The following MALT1 variants were observed in gnomAD, a reference collection of about 807,000 sequenced individuals.
MALT1 encodes MALT1 paracaspase, also known as mucosa-associated lymphoid tissue lymphoma translocation protein 1.
MALT1 carries 36 observed loss-of-function variants against 85.5 expected under a neutral mutation model. That is an observed-to-expected ratio of 0.42 (90% CI 0.32 to 0.56). The LOEUF is 0.56. MALT1 is among the 20% of genes least tolerant of loss of function. The pLI is 0.10. For synonymous variants in MALT1, 359 were observed against 361.3 expected (o/e 0.99, Z 0.07); for missense variants, 716 against 981.6 (o/e 0.73, Z 3.62).
At chr18:58,683,786 A>G (rs2054357204) in intron 2 of MALT1, among the ~76,000 whole-genome samples, 1 of 152,206 alleles carries the variant, frequency 6.6e-6, no homozygotes, top group South Asian at 2.1e-4. Context: ...TATTTGGCTT[A>G]CAGACTTTCT....
intron 15 of MALT1, 60 bp downstream of exon 15, chr18:58,744,555 T>C (rs1171809458): frequency 1.3e-5 from 14 of 1,044,190 alleles, no homozygotes; most frequent in African/African-American, 1.7e-5. Flanking sequence ...AAGACTAAAT[T>C]TTTTAAAACT....
Position 58,745,936 on chromosome 18 carries a change from A to T in MALT1, c.2037+145A>T, listed in dbSNP as rs944833836. ...AGGTCCTATCAGTGACCCTTTTTAT[A>T]TTCTGTTTCCGATGGTGACCAGAGG... is the stretch of plus-strand genomic sequence containing the variant. On this transcript the variant is annotated intron_variant, in intron 16 of 16. Coordinates refer to ENST00000649217, the MANE Select transcript of MALT1 (RefSeq NM_006785.4). 5.8e-6 allele frequency: 4 copies of T among 685,374 alleles called. No homozygotes were observed. In the African/African-American group the frequency reaches 7.2e-5, roughly 12 times the overall value. The allele number at this position is 685,374 out of a possible 1,614,324, so 42.5% of individuals were successfully genotyped here.
intron 10 of MALT1, among the ~76,000 whole-genome samples, chr18:58,723,755 G>T (rs959306197): frequency 2.0e-5 from 3 of 152,096 alleles, no homozygotes; most frequent in African/African-American, 7.2e-5. Flanking sequence ...ATAGTAATTT[G>T]TAAATTAAAG....
intron 9 of MALT1, among the ~76,000 whole-genome samples, chr18:58,720,306 T>G (rs1167077487): frequency 6.6e-6 from 1 of 152,204 alleles, no homozygotes; most frequent in East Asian, 1.9e-4. Flanking sequence ...AAATTCAAGT[T>G]TTATTGTTCG....
In MALT1 at chr18:58,727,616, G is replaced by GTTTTTTTTTTTTT. The variant is rs751434443; in HGVS notation, c.1222+4376_1222+4377insTTTTTTTTTTTTT. ...ACCCAGCCTGCCAAAGGTTTTTTGT[G>GTTTTTTTTTTTTT]TTTTTTTTTTTGTTTTTTTTTTTTT... is the stretch of plus-strand genomic sequence containing the variant. On this transcript the variant is annotated intron_variant, in intron 10 of 16. Transcript: ENST00000649217. Among the ~76,000 whole-genome samples the GTTTTTTTTTTTTT allele has an allele frequency of 8.1e-3, 979 of 120,928 alleles. 76 individuals carry two copies. Among genetic ancestry groups the GTTTTTTTTTTTTT allele is most frequent in the African/African-American group, 0.022 (672 of 30,472 alleles). The allele number at this position is 120,928 out of a possible 152,430, so 79.3% of individuals were successfully genotyped here.
rs751607931 is a variant in MALT1 at position 58,733,578 on chromosome 18, A to C, written c.1400+4A>C. 1 of 1,574,610 alleles carries C rather than the reference A, an allele frequency of 6.4e-7. No individual in the cohort carries two copies. The highest frequency in any genetic ancestry group is 8.6e-7 in the Non-Finnish European group (1 of 1,158,008). Reference sequence around the variant, plus strand: ...TATTGGATATGTGTAGGAAAAGGTAAGTTTTCTAATCTTTATTAAAGAATT... The same window carrying C: ...TATTGGATATGTGTAGGAAAAGGTACGTTTTCTAATCTTTATTAAAGAATT... On this transcript the variant is annotated splice_donor_region_variant and intron_variant, in intron 11 of 16. Coordinates refer to ENST00000649217, the MANE Select transcript of MALT1 (RefSeq NM_006785.4).
intron 1 of MALT1, among the ~76,000 whole-genome samples, chr18:58,673,121 ACTGT>A (rs1460409146): frequency 1.3e-5 from 2 of 152,246 alleles, no homozygotes; most frequent in African/African-American, 2.4e-5. Context: ...AAGAACAAAA[ACTGT>A]CTCTTAATAT....
chr18:58,679,373 T>C (rs2054287288), intron 1 of MALT1, among the ~76,000 whole-genome samples: 1 of 152,264 alleles, frequency 6.6e-6, no homozygotes, highest in Non-Finnish European at 1.5e-5. Context: ...TGCAGCCAGG[T>C]ATTCAGCTCT....
At chr18:58,710,122 A>G (rs1265668000) in intron 6 of MALT1, 50 bp downstream of exon 6, 6 of 1,111,778 alleles carry the variant, frequency 5.4e-6, no homozygotes, top group South Asian at 2.7e-5. Flanking sequence ...AATATAAGCT[A>G]TATAAACTGC....
intron 9 of MALT1, 107 bp downstream of exon 9, chr18:58,716,074 T>G: frequency 1.3e-6 from 1 of 763,404 alleles, no homozygotes; most frequent in Non-Finnish European, 2.2e-6. Context: ...TGAATAACAT[T>G]GGGACCAAAT....
At chr18:58,685,365 G>A (rs2054386422) in intron 2 of MALT1, among the ~76,000 whole-genome samples, 1 of 152,154 alleles carries the variant, frequency 6.6e-6, no homozygotes, top group Non-Finnish European at 1.5e-5. Context: ...GTCTTACGTT[G>A]CCATATTCTG....
chr18:58,675,359 T>TC (rs1246547271), intron 1 of MALT1: 2 of 152,242 alleles, frequency 1.3e-5, no homozygotes. Flanking sequence ...AATCCTGCTT[T>TC]CATGCAGTTT....
At chr18:58,730,290 T>C (rs2055129176) in intron 10 of MALT1, among the ~76,000 whole-genome samples, 1 of 152,144 alleles carries the variant, frequency 6.6e-6, no homozygotes, top group African/African-American at 2.4e-5. Flanking sequence ...AGAAACCCCA[T>C]ATCCATTAAC....
intron 1 of MALT1, among the ~76,000 whole-genome samples, chr18:58,680,365 T>G (rs2054302582): frequency 6.6e-6 from 1 of 152,238 alleles, no homozygotes. Context: ...TGCCTTTACC[T>G]CAGGCTCAGT....
chr18:58,685,914 T>C (rs911788829), intron 2 of MALT1, among the ~76,000 whole-genome samples: 3 of 148,422 alleles, frequency 2.0e-5, no homozygotes, highest in African/African-American at 7.4e-5. Flanking sequence ...TCTGTAATGA[T>C]TTTTTTTTTT....
At chr18:58,700,670 A>G in intron 4 of MALT1, 79 bp downstream of exon 4, 1 of 1,259,812 alleles carries the variant, frequency 7.9e-7, no homozygotes, top group Non-Finnish European at 1.0e-6. Context: ...CTTTTAAACA[A>G]TTTCAAAGTA....
chr18:58,719,340 TC>T (rs1368117711), intron 9 of MALT1, among the ~76,000 whole-genome samples: 2 of 152,032 alleles, frequency 1.3e-5, no homozygotes, highest in Non-Finnish European at 2.9e-5. Flanking sequence ...TTTCTCTTCC[TC>T]TTACTCTGTC....
At chr18:58,735,773 G>C (rs1413911984) in intron 13 of MALT1, among the ~76,000 whole-genome samples, 1 of 152,098 alleles carries the variant, frequency 6.6e-6, no homozygotes, top group East Asian at 1.9e-4. Context: ...ACACTGCTGG[G>C]AAAAGCTGAG....
intron 4 of MALT1, among the ~76,000 whole-genome samples, chr18:58,705,164 C>T (rs1027257057): frequency 6.6e-6 from 1 of 151,908 alleles, no homozygotes; most frequent in African/African-American, 2.4e-5. Context: ...TGTAGTAAAC[C>T]TTCTACATAT....
Sources: gnomAD v4.1 joint callset for allele counts (sites outside exome capture counted in the v4.1 genomes callset) on GRCh38, gnomAD v4.1.1 for gene constraint, MANE v1.5 for transcripts, NCBI Gene and HGNC (gene_info 2026-07-23, HGNC 2026-07-21) for gene names.